Variants in EMSY observed in about 807,000 individuals in gnomAD.
EMSY encodes EMSY transcriptional repressor, BRCA2 interacting, also known as BRCA2-interacting transcriptional repressor EMSY.
Under a neutral mutation model 134.6 loss-of-function variants are expected in EMSY, and 26 were observed. The ratio of observed to expected loss-of-function variants is 0.19; its 90% CI spans 0.14 to 0.27. EMSY has a LOEUF of 0.27. Among genes scored for constraint, EMSY ranks in the 10% least tolerant of loss-of-function variants. The probability of loss-of-function intolerance (pLI) is 1.00; values close to 1 mark genes in which losing one functional copy is unlikely to be tolerated. For missense variants in EMSY, 1,305 were observed against 1,611.4 expected, an observed-to-expected ratio of 0.81 and a Z score of 3.26; for synonymous variants, 579 against 577.8, an observed-to-expected ratio of 1.00 and a Z score of -0.03.
intron 20 of EMSY, chr11:76,547,019 G>A: frequency 2.2e-6 from 1 of 446,932 alleles, no homozygotes. Flanking sequence ...CTCTTGTCAT[G>A]CATAATAGGT....
At chr11:76,505,177 A>G (rs1344265244) in intron 9 of EMSY, among the ~76,000 whole-genome samples, 1 of 152,144 alleles carries the variant, frequency 6.6e-6, no homozygotes, top group Non-Finnish European at 1.5e-5. Flanking sequence ...ATATTTTGAT[A>G]AAGCTCTTTA....
At chr11:76,453,560 T>A (rs1213582518) in intron 4 of EMSY, 172 bp downstream of exon 4, 7 of 461,256 alleles carry the variant, frequency 1.5e-5, no homozygotes, top group Non-Finnish European at 2.5e-5. Context: ...TTCAGTTGGG[T>A]TTTTTTTTGC....
intron 18 of EMSY, 64 bp downstream of exon 19, chr11:76,542,431 TC>T: frequency 1.9e-6 from 3 of 1,543,818 alleles, no homozygotes; most frequent in Non-Finnish European, 2.7e-6. Context: ...AGATTCAGTG[TC>T]ATCTTGTATT....
intron 11 of EMSY, among the ~76,000 whole-genome samples, chr11:76,522,400 C>G (rs2136268835): frequency 9.5e-6 from 1 of 105,472 alleles, no homozygotes; most frequent in East Asian, 3.3e-4. Context: ...TCGAGTCTTG[C>G]TCTGTAGCCC....
chr11:76,548,259 G>T, intron 20 of EMSY, among the ~76,000 whole-genome samples: 1 of 152,170 alleles, frequency 6.6e-6, no homozygotes, highest in African/African-American at 2.4e-5. Flanking sequence ...GATTTGCTGA[G>T]TCTGTAAAGT....
chr11:76,543,284 G>A (rs1951514301), intron 18 of EMSY, among the ~76,000 whole-genome samples: 1 of 152,222 alleles, frequency 6.6e-6, no homozygotes, highest in Non-Finnish European at 1.5e-5. Context: ...TGAATTGAAA[G>A]CCTGTATGTG....
intron 14 of EMSY, among the ~76,000 whole-genome samples, chr11:76,534,581 AT>A (rs1199270732): frequency 1.3e-5 from 2 of 152,018 alleles, no homozygotes; most frequent in Non-Finnish European, 2.9e-5. Flanking sequence ...TTGCCCCAAC[AT>A]TTTTCAACAA....
At chr11:76,452,033 AAGT>A in intron 3 of EMSY, 76 bp downstream of exon 3, 1 of 911,922 alleles carries the variant, frequency 1.1e-6, no homozygotes, top group South Asian at 2.2e-5. Flanking sequence ...CTCTCAAATT[AAGT>A]AACTGTCAAA....
rs1288455822 is a variant in EMSY at position 76,513,379 on chromosome 11, T to C, written c.1364-7T>C. The stretch of plus-strand genomic sequence containing the variant: ...TTGTGCTGAGATTTATCTTTCTTCT[T>C]TCAAAGGTGTTAAAATCATCACACA... On this transcript the variant is annotated splice_polypyrimidine_tract_variant and splice_region_variant and intron_variant, in intron 9 of 20. Transcript: ENST00000334736. The C allele has an allele frequency of 6.2e-7, 1 of 1,612,416 alleles. No individual in the cohort carries two copies. The highest frequency in any genetic ancestry group is 1.3e-5 in the African/African-American group (1 of 74,852).
At chr11:76,472,614 C>T (rs1197231965) in exon 8 of EMSY, 3 of 1,614,036 alleles carry the variant, frequency 1.9e-6, no homozygotes, top group Admixed American at 1.7e-5. Flanking sequence ...CCAACATTCT[C>T]TCCAAATCCC....
chr11:76,552,741 A>G (rs371521217), downstream of EMSY: 10 of 152,326 alleles, frequency 6.6e-5, no homozygotes, highest in South Asian at 2.1e-3. Context: ...AGCCATTACC[A>G]CAATCAATTT....
At chr11:76,447,085 A>T in intron 2 of EMSY, 77 bp downstream of exon 2, 2 of 1,340,712 alleles carry the variant, frequency 1.5e-6, no homozygotes, top group Admixed American at 1.8e-5. Context: ...AGCTGTTTGC[A>T]TGGATGTCAT....
intron 8 of EMSY, among the ~76,000 whole-genome samples, chr11:76,494,656 TTCCTTCCTTCCTTCCTTCCTTCCTTCC>T (rs1949559690): frequency 2.4e-3 from 4 of 1,682 alleles, no homozygotes; most frequent in African/African-American, 5.8e-3. Flanking sequence ...TTTCCCTTCC[TTCCTTCCTTCCTTCCTTCCTTCCTTCC>T]TTCCTTCCTT....
intron 8 of EMSY, among the ~76,000 whole-genome samples, chr11:76,493,293 G>T (rs926344150): frequency 3.9e-5 from 6 of 152,206 alleles, no homozygotes; most frequent in African/African-American, 1.4e-4. Flanking sequence ...AGGCCAAAGG[G>T]GGTCGAGGGT....
intron 12 of EMSY, among the ~76,000 whole-genome samples, chr11:76,525,600 A>C (rs185115952): frequency 6.6e-6 from 1 of 152,336 alleles, no homozygotes; most frequent in Admixed American, 6.5e-5. Context: ...AATTTAGTTA[A>C]GTTCATGTAA....
chr11:76,530,764 G>A (rs1310029052), intron 14 of EMSY, among the ~76,000 whole-genome samples: 2 of 152,134 alleles, frequency 1.3e-5, no homozygotes, highest in African/African-American at 2.4e-5. Flanking sequence ...TATATATGCT[G>A]TGATTTAAAG....
intron 11 of EMSY, among the ~76,000 whole-genome samples, chr11:76,519,340 T>C (rs1392701982): frequency 2.0e-5 from 3 of 152,188 alleles, no homozygotes; most frequent in Non-Finnish European, 2.9e-5. Flanking sequence ...GCTGGTATTA[T>C]AGGCGTCAGT....
At chr11:76,496,601 T>C (rs780467984) in intron 9 of EMSY, 132 bp downstream of exon 10, 2 of 975,742 alleles carry the variant, frequency 2.0e-6, no homozygotes, top group Non-Finnish European at 3.2e-6. Flanking sequence ...GTTTTACAGC[T>C]TTCAGCATAT....
At chr11:76,515,442 T>C (rs1950418199) in intron 10 of EMSY, among the ~76,000 whole-genome samples, 2 of 152,050 alleles carry the variant, frequency 1.3e-5, no homozygotes, top group African/African-American at 2.4e-5. Flanking sequence ...AAGAAAAAAG[T>C]GTTAGAAATA....
Sources: allele counts gnomAD v4.1 joint callset (sites outside exome capture counted in the v4.1 genomes callset), GRCh38; gene constraint gnomAD v4.1.1; transcripts MANE v1.5; gene names NCBI Gene and HGNC (gene_info 2026-07-23, HGNC 2026-07-21).